GRHL2: variants seen among roughly 807,000 people sequenced by gnomAD.
The protein encoded by GRHL2 is grainyhead-like protein 2 homolog.
Under a neutral mutation model 83.8 loss-of-function variants are expected in GRHL2, and 21 were observed. The ratio of observed to expected loss-of-function variants is 0.25; its 90% confidence interval spans 0.18 to 0.36. GRHL2 has a LOEUF of 0.36. GRHL2 is among the 10% of genes least tolerant of loss of function. The pLI, the probability that GRHL2 is intolerant of heterozygous loss-of-function variation, is 1.00. For missense variants in GRHL2, 623 were observed against 781.8 expected (o/e 0.80, Z 2.42); for synonymous variants, 280 against 278.9 (o/e 1.00, Z -0.04).
In GRHL2 at chr8:101,666,664, C is replaced by G. The variant is rs576408861; in HGVS notation, c.1839C>G (p.Ser613Arg). 8.1e-6 allele frequency: 13 copies of G among 1,613,374 alleles called. No individual in the cohort carries two copies. The highest frequency in any genetic ancestry group is 1.6e-4 in the Middle Eastern group (1 of 6,062). Residue 613 changes from serine (S) to arginine (R), a missense_variant, in exon 16 of 16, where the codon AGC (serine) becomes AGG (arginine). Coordinates refer to ENST00000646743, the MANE Select transcript of GRHL2 (RefSeq NM_024915.4). The stretch of plus-strand genomic sequence containing the variant: ...ACACCTTCATCCTCAACATGGAGAG[C>G]ATGGTGGAGGGCTTCAAGGTCACGC... ...NEDTFILNME[S>R]MVEGFKVTLM...
At chr8:101,589,231 C>G (rs896254953) in intron 7 of GRHL2, among the ~76,000 whole-genome samples, 9 of 152,184 alleles carry the variant, frequency 5.9e-5, no homozygotes, top group African/African-American at 2.2e-4. Context: ...CTGTCAGAAA[C>G]TGCCAGGTAC....
chr8:101,544,218 A>G (rs536483146), intron 2 of GRHL2: 1 of 152,316 alleles, frequency 6.6e-6, no homozygotes, highest in South Asian at 2.1e-4. Flanking sequence ...TCTATTTATT[A>G]GAAACATTCA....
chr8:101,555,558 T>C (rs1280787513), intron 3 of GRHL2, among the ~76,000 whole-genome samples: 1 of 152,196 alleles, frequency 6.6e-6, no homozygotes, highest in Non-Finnish European at 1.5e-5. Flanking sequence ...CATGGTAATG[T>C]AAATGGGTGG....
chr8:101,579,786 G>A (rs749533983), intron 7 of GRHL2, among the ~76,000 whole-genome samples: 38 of 152,114 alleles, frequency 2.5e-4, no homozygotes, highest in Non-Finnish European at 4.6e-4. Context: ...CTGTTGCACC[G>A]TCATCTGCTT....
At chr8:101,540,965 T>A (rs1811140308) in intron 1 of GRHL2, among the ~76,000 whole-genome samples, 1 of 152,140 alleles carries the variant, frequency 6.6e-6, no homozygotes, top group South Asian at 2.1e-4. Context: ...ATTATATCAC[T>A]CTGTTTGCCT....
chr8:101,620,146 C>G (rs1339086210), intron 9 of GRHL2, among the ~76,000 whole-genome samples: 2 of 152,186 alleles, frequency 1.3e-5, no homozygotes, highest in Non-Finnish European at 2.9e-5. Context: ...AGCACGTGCA[C>G]AAGCTCTCTG....
chr8:101,654,080 G>A (rs1563628437), intron 14 of GRHL2, among the ~76,000 whole-genome samples: 1 of 152,208 alleles, frequency 6.6e-6, no homozygotes, highest in Non-Finnish European at 1.5e-5. Context: ...CGGATTTTAG[G>A]AATTGGCCTG....
chr8:101,529,313 G>A, intron 1 of GRHL2: 1 of 195,216 alleles, frequency 5.1e-6, no homozygotes, highest in Non-Finnish European at 1.0e-5. Context: ...TGTGCTTGTA[G>A]TCCCAGCTAC....
At chr8:101,651,929 A>G (rs1379588880) in intron 14 of GRHL2, among the ~76,000 whole-genome samples, 1 of 152,218 alleles carries the variant, frequency 6.6e-6, no homozygotes, top group Non-Finnish European at 1.5e-5. Context: ...GTGCAAGAGA[A>G]GTTCCTCCAG....
At chr8:101,595,019 G>A (rs1243245106) in intron 7 of GRHL2, among the ~76,000 whole-genome samples, 1 of 152,126 alleles carries the variant, frequency 6.6e-6, no homozygotes, top group African/African-American at 2.4e-5. Context: ...AGCAGATTAA[G>A]GATAATCGTC....
chr8:101,636,794 T>C (rs1813296353), intron 11 of GRHL2, 103 bp from the exon 12 acceptor site: 6 of 976,202 alleles, frequency 6.1e-6, no homozygotes, highest in Non-Finnish European at 1.0e-5. Context: ...GTCTTTTGCC[T>C]TTTTAAGAGA....
At chr8:101,677,767 C>A in the GRHL2 span, among the ~76,000 whole-genome samples, 20 of 151,966 alleles carry the variant, frequency 1.3e-4, no homozygotes, top group Non-Finnish European at 2.1e-4. Context: ...GTGCGCATTC[C>A]CAAGGGTGTC....
intron 6 of GRHL2, among the ~76,000 whole-genome samples, chr8:101,575,087 AG>A (rs1370952762): frequency 1.3e-5 from 2 of 152,196 alleles, no homozygotes; most frequent in Non-Finnish European, 2.9e-5. Flanking sequence ...AGCAGCATGG[AG>A]GGCTGAAGGC....
chr8:101,550,225 T>TG (rs750030688), intron 2 of GRHL2, among the ~76,000 whole-genome samples: 1 of 151,860 alleles, frequency 6.6e-6, no homozygotes, highest in Non-Finnish European at 1.5e-5. Flanking sequence ...GTTTTAGATT[T>TG]GGGGATATGT....
chr8:101,627,504 TC>T (rs1813102752), intron 9 of GRHL2, among the ~76,000 whole-genome samples: 1 of 152,038 alleles, frequency 6.6e-6, no homozygotes, highest in Admixed American at 6.6e-5. Flanking sequence ...CTCCCTCTCT[TC>T]CTTTGGTCTT....
At chr8:101,631,213 A>G (rs924412589) in intron 9 of GRHL2, among the ~76,000 whole-genome samples, 3 of 152,250 alleles carry the variant, frequency 2.0e-5, no homozygotes, top group African/African-American at 7.2e-5. Flanking sequence ...GAAACATTTT[A>G]TAGGGAATTC....
intron 14 of GRHL2, among the ~76,000 whole-genome samples, chr8:101,658,439 A>T: frequency 6.6e-6 from 1 of 152,224 alleles, no homozygotes; most frequent in East Asian, 1.9e-4. Context: ...GACAGCGCTC[A>T]CAAAAGCACT....
intron 1 of GRHL2, among the ~76,000 whole-genome samples, chr8:101,531,437 A>G (rs2130082668): frequency 6.6e-6 from 1 of 152,338 alleles, no homozygotes; most frequent in African/African-American, 2.4e-5. Context: ...TAGCTGGCAT[A>G]TAGTGGATGC....
intron 9 of GRHL2, among the ~76,000 whole-genome samples, chr8:101,621,358 T>G (rs747968493): frequency 2.6e-5 from 4 of 152,102 alleles, no homozygotes; most frequent in Non-Finnish European, 5.9e-5. Context: ...AATCACAATT[T>G]GAAAAAATCA....
Sources: gnomAD v4.1 joint callset for allele counts (sites outside exome capture counted in the v4.1 genomes callset) on GRCh38, gnomAD v4.1.1 for gene constraint, MANE v1.5 for transcripts, NCBI Gene and HGNC (gene_info 2026-07-23, HGNC 2026-07-21) for gene names.